DPP10: variants seen among roughly 807,000 people sequenced by gnomAD.
The protein encoded by DPP10 is dipeptidyl peptidase like 10.
A neutral mutation model predicts 120.9 loss-of-function variants in DPP10; 33 were observed. The ratio of observed to expected loss-of-function variants is 0.27; its 90% confidence interval spans 0.21 to 0.37. The LOEUF is 0.37. Ranked by LOEUF, DPP10 falls within the 10% of genes least tolerant of loss-of-function variation. DPP10 has a pLI of 1.00. For missense variants in DPP10, 816 were observed against 942.8 expected, an observed-to-expected ratio of 0.87 and a Z score of 1.76; for synonymous variants, 337 against 326.1, an observed-to-expected ratio of 1.03 and a Z score of -0.36.
intron 5 of DPP10, among the ~76,000 whole-genome samples, chr2:115,668,492 G>A (rs763352487): frequency 6.6e-6 from 1 of 152,078 alleles, no homozygotes; most frequent in Non-Finnish European, 1.5e-5. Context: ...CCAGGAGCAT[G>A]AGCCAAATAA....
intron 1 of DPP10, among the ~76,000 whole-genome samples, chr2:115,201,317 G>A (rs563799704): frequency 6.6e-6 from 1 of 152,070 alleles, no homozygotes; most frequent in Non-Finnish European, 1.5e-5. Flanking sequence ...ACAAAAATTA[G>A]CCGAATGTGG....
chr2:114,569,379 A>T (rs951744712), intron 1 of DPP10, among the ~76,000 whole-genome samples: 3 of 152,072 alleles, frequency 2.0e-5, no homozygotes, highest in African/African-American at 7.2e-5. Context: ...ACAAATAAAC[A>T]CTCCCAACTT....
intron 1 of DPP10, among the ~76,000 whole-genome samples, chr2:114,514,253 T>TC (rs1446815753): frequency 6.6e-6 from 1 of 152,100 alleles, no homozygotes; most frequent in Non-Finnish European, 1.5e-5. Context: ...GTACCTAATC[T>TC]CCCCACCAAC....
chr2:115,293,823 A>G (rs1045726824), intron 1 of DPP10, among the ~76,000 whole-genome samples: 1 of 152,092 alleles, frequency 6.6e-6, no homozygotes, highest in Non-Finnish European at 1.5e-5. Flanking sequence ...TGCAGCCTGA[A>G]TCAACATGGA....
chr2:114,881,457 GTCTA>G (rs56811813), intron 1 of DPP10, among the ~76,000 whole-genome samples: 2,406 of 144,316 alleles, frequency 0.017, 61 homozygotes, highest in African/African-American at 0.058. Flanking sequence ...CTGTCTGTCT[GTCTA>G]TCTATCTATC....
intron 1 of DPP10, among the ~76,000 whole-genome samples, chr2:115,267,574 CCCTCT>C (rs1002251527): frequency 6.6e-6 from 1 of 151,728 alleles, no homozygotes; most frequent in African/African-American, 2.4e-5. Flanking sequence ...CTCTGTATTC[CCCTCT>C]CCTCTCCTTG....
chr2:115,794,612 T>G (rs1005106279), intron 19 of DPP10, among the ~76,000 whole-genome samples: 1 of 152,142 alleles, frequency 6.6e-6, no homozygotes, highest in Non-Finnish European at 1.5e-5. Flanking sequence ...ATTGGCACCA[T>G]AGATGGATCT....
At chr2:115,147,993 G>T (rs913013253) in intron 1 of DPP10, among the ~76,000 whole-genome samples, 3 of 152,108 alleles carry the variant, frequency 2.0e-5, no homozygotes, top group Non-Finnish European at 4.4e-5. Context: ...TGCTGTATAA[G>T]AAAGGAATCT....
At chr2:114,507,761 A>G (rs1281000330) in intron 1 of DPP10, among the ~76,000 whole-genome samples, 1 of 152,176 alleles carries the variant, frequency 6.6e-6, no homozygotes, top group Non-Finnish European at 1.5e-5. Flanking sequence ...TCTCTGAACA[A>G]CTACTTCTTG....
chr2:115,081,434 A>G (rs992324396), intron 1 of DPP10, among the ~76,000 whole-genome samples: 7 of 152,124 alleles, frequency 4.6e-5, no homozygotes, highest in African/African-American at 2.4e-5. Context: ...CTTAATTTCT[A>G]TGATATATTT....
chr2:115,831,455 G>C (rs1268066591), intron 21 of DPP10, among the ~76,000 whole-genome samples: 1 of 152,064 alleles, frequency 6.6e-6, no homozygotes, highest in African/African-American at 2.4e-5. Flanking sequence ...GGTCAGGCTG[G>C]TCTCCAACTC....
intron 3 of DPP10, among the ~76,000 whole-genome samples, chr2:115,363,643 T>G (rs1196505170): frequency 6.6e-6 from 1 of 152,242 alleles, no homozygotes; most frequent in East Asian, 1.9e-4. Context: ...GCCTTTCTTC[T>G]AAAGGCATTG....
In DPP10 at chr2:114,791,454, G is replaced by T. The variant is rs528936764; in HGVS notation, c.60+348616G>T. 2.6e-5 allele frequency among the ~76,000 whole-genome samples: 4 copies of T among 152,206 alleles called. 1 individual carries two copies. Among genetic ancestry groups the T allele is most frequent in the South Asian group, 4.1e-4 (2 of 4,832 alleles). On this transcript the variant is annotated intron_variant, in intron 1 of 25. Transcript: ENST00000410059. ...GCCTGTCTCACTCAGGAGCTGCTGGGTGTGGAAAATGAAGAGAGGAAGTAA... is the reference window on the plus strand; with the variant it reads ...GCCTGTCTCACTCAGGAGCTGCTGGTTGTGGAAAATGAAGAGAGGAAGTAA...
At chr2:115,496,355 C>G (rs1473610840) in intron 3 of DPP10, among the ~76,000 whole-genome samples, 1 of 151,958 alleles carries the variant, frequency 6.6e-6, no homozygotes, top group Non-Finnish European at 1.5e-5. Flanking sequence ...GAGTGTAGAT[C>G]TAAAGGTATT....
intron 1 of DPP10, among the ~76,000 whole-genome samples, chr2:115,096,179 A>AATTTCTTAC (rs1449008502): frequency 1.3e-5 from 2 of 152,150 alleles, no homozygotes; most frequent in Non-Finnish European, 2.9e-5. Flanking sequence ...TGGGTCATAC[A>AATTTCTTAC]ATTTCTTACA....
chr2:115,515,371 CA>C (rs1286704184), intron 4 of DPP10, among the ~76,000 whole-genome samples: 1 of 151,928 alleles, frequency 6.6e-6, no homozygotes, highest in Non-Finnish European at 1.5e-5. Context: ...GGGTATTGTT[CA>C]ACCTTTTAGT....
intron 1 of DPP10, among the ~76,000 whole-genome samples, chr2:115,134,929 T>C (rs563577875): frequency 3.9e-5 from 6 of 152,092 alleles, no homozygotes; most frequent in Non-Finnish European, 7.4e-5. Flanking sequence ...TCGTGCAGCC[T>C]GGACAGAGGG....
intron 1 of DPP10, among the ~76,000 whole-genome samples, chr2:114,957,592 G>C (rs1271825947): frequency 6.6e-6 from 1 of 152,158 alleles, no homozygotes; most frequent in East Asian, 1.9e-4. Flanking sequence ...TTCACCTCTG[G>C]ATATAGTTCC....
intron 2 of DPP10, among the ~76,000 whole-genome samples, chr2:115,325,001 G>A (rs569466686): frequency 6.6e-6 from 1 of 152,142 alleles, no homozygotes; most frequent in South Asian, 2.1e-4. Context: ...ATGTGGTCAT[G>A]GTTCATGGCT....
Sources: gnomAD v4.1 joint callset for allele counts (sites outside exome capture counted in the v4.1 genomes callset) on GRCh38, gnomAD v4.1.1 for gene constraint, MANE v1.5 for transcripts, NCBI Gene and HGNC (gene_info 2026-07-23, HGNC 2026-07-21) for gene names.